The following SOAT1 variants were observed in gnomAD, a reference collection of about 807,000 sequenced individuals.
SOAT1 encodes acyl-coenzyme A:cholesterol acyltransferase 1.
A neutral mutation model predicts 69.5 loss-of-function variants in SOAT1; 55 were observed. The observed-to-expected ratio is 0.79, with a 90% confidence interval of 0.64 to 0.99. SOAT1 has a LOEUF of 0.99. Among genes scored for constraint, SOAT1 ranks in the 50% least tolerant of loss-of-function variants. SOAT1 has a pLI of 0.00. For missense variants in SOAT1, 580 were observed against 669.3 expected, an observed-to-expected ratio of 0.87 and a Z score of 1.47; for synonymous variants, 231 against 224.7, an observed-to-expected ratio of 1.03 and a Z score of -0.25.
Position 179,342,955 on chromosome 1 carries a change from G to A in SOAT1, c.941+12G>A, listed in dbSNP as rs1270781809. On this transcript the variant is annotated intron_variant, in intron 9 of 15. Coordinates refer to ENST00000367619, the MANE Select transcript of SOAT1 (RefSeq NM_003101.6). ...GACAGCTATCCCAGGTAATGGTACTGTGAACCAGAAATGTGGTAAACACCA... is the reference window on the plus strand; with the variant it reads ...GACAGCTATCCCAGGTAATGGTACTATGAACCAGAAATGTGGTAAACACCA... 1.2e-6 allele frequency: 2 copies of A among 1,607,622 alleles called. No homozygotes were observed. Among genetic ancestry groups the A allele is most frequent in the Non-Finnish European group, 1.7e-6 (2 of 1,174,260 alleles).
chr1:179,306,196 C>T (rs1664998335), intron 2 of SOAT1, among the ~76,000 whole-genome samples: 1 of 152,076 alleles, frequency 6.6e-6, no homozygotes, highest in African/African-American at 2.4e-5. Context: ...ATTGGAAAGG[C>T]CAGAAGTAAG....
At chr1:179,303,318 C>T (rs1050581969) in intron 2 of SOAT1, among the ~76,000 whole-genome samples, 2 of 152,134 alleles carry the variant, frequency 1.3e-5, no homozygotes, top group African/African-American at 4.8e-5. Context: ...CTTGTATCCA[C>T]GTTTGCTTAA....
In SOAT1 at chr1:179,341,083, G is replaced by C; in HGVS notation, c.553G>C (p.Val185Leu). The C allele has an allele frequency of 6.2e-7, 1 of 1,614,054 alleles. No homozygotes were observed. The highest frequency in any genetic ancestry group is 8.5e-7 in the Non-Finnish European group (1 of 1,180,002). The change falls in exon 7 of 16, where the codon GTT becomes CTT. Residue 185 changes from valine to leucine, a missense_variant. Val to Leu is a conservative substitution (Grantham distance 32). Coordinates refer to ENST00000367619, the MANE Select transcript of SOAT1 (RefSeq NM_003101.6). ...TGCTTTTGGCAAATTTCCTACCGTT[G>C]TTTGGACCTGGTGGATCATGTTCCT... ...SYAFGKFPTV[V>L]WTWWIMFLST...
chr1:179,310,421 T>C (rs995014075), intron 2 of SOAT1, among the ~76,000 whole-genome samples: 2 of 152,202 alleles, frequency 1.3e-5, no homozygotes, highest in African/African-American at 4.8e-5. Flanking sequence ...AGTCTCTGTT[T>C]CTGTATGAAC....
At chr1:179,330,381 TGATGTTCTCCATA>T in intron 3 of SOAT1, among the ~76,000 whole-genome samples, 1 of 152,148 alleles carries the variant, frequency 6.6e-6, no homozygotes, top group Middle Eastern at 3.4e-3. Flanking sequence ...TCTATAATAG[TGATGTTCTCCATA>T]GGAGCGGTTG....
rs574054343 is a variant in SOAT1 at position 179,315,247 on chromosome 1, C to A, written c.119-8190C>A. Among the ~76,000 whole-genome samples the A allele has an allele frequency of 2.0e-5, 3 of 152,248 alleles. No individual in the cohort carries two copies. In the South Asian group the frequency reaches 6.2e-4, roughly 32 times the overall value. On this transcript the variant is annotated intron_variant, in intron 2 of 15. Coordinates refer to ENST00000367619, the MANE Select transcript of SOAT1 (RefSeq NM_003101.6). ...ATTGCTGGAGGCCAGGAGTTCAAGA[C>A]CAGCCTGGGCAACATAGCGAGGCTC...
At chr1:179,318,447 A>C (rs1665472409) in intron 2 of SOAT1, among the ~76,000 whole-genome samples, 1 of 152,214 alleles carries the variant, frequency 6.6e-6, no homozygotes, top group East Asian at 1.9e-4. Context: ...AAAGATTCTC[A>C]GTCAGAATAC....
chr1:179,297,177 T>G (rs1169510694), intron 1 of SOAT1, among the ~76,000 whole-genome samples: 1 of 152,240 alleles, frequency 6.6e-6, no homozygotes, highest in African/African-American at 2.4e-5. Flanking sequence ...CCTTCACTGC[T>G]AGACCTCTTG....
chr1:179,335,714 G>T, intron 4 of SOAT1, 57 bp downstream of exon 4: 1 of 1,476,864 alleles, frequency 6.8e-7, no homozygotes, highest in Non-Finnish European at 9.1e-7. Flanking sequence ...GTTCAATGGT[G>T]AAAATGGACT....
At chr1:179,339,658 C>G in intron 6 of SOAT1, 113 bp downstream of exon 6, 1 of 579,952 alleles carries the variant, frequency 1.7e-6, no homozygotes, top group Non-Finnish European at 3.0e-6. Context: ...CCTAAAGCAG[C>G]AGATTTGAGG....
chr1:179,338,525 C>T (rs992992229), intron 5 of SOAT1, among the ~76,000 whole-genome samples: 3 of 152,074 alleles, frequency 2.0e-5, no homozygotes, highest in South Asian at 2.1e-4. Flanking sequence ...ATAAGAAGGC[C>T]GGTTTTCTAA....
chr1:179,306,830 C>CAAAAA (rs11461908), intron 2 of SOAT1, among the ~76,000 whole-genome samples: 9 of 96,612 alleles, frequency 9.3e-5, no homozygotes, highest in African/African-American at 2.3e-4. Context: ...GACTCCATCT[C>CAAAAA]AAAAAAAAAA....
intron 1 of SOAT1, among the ~76,000 whole-genome samples, chr1:179,297,733 C>CAAAAA (rs376641077): frequency 8.4e-6 from 1 of 119,264 alleles, no homozygotes; most frequent in African/African-American, 3.1e-5. Flanking sequence ...GACTCCGTCT[C>CAAAAA]AAAAAAAAAA....
chr1:179,342,119 T>C lies in SOAT1; in HGVS notation c.786T>C (p.Arg262=). The change falls in exon 8 of 16, where the codon CGT becomes CGC. Residue 262 remains arginine, a synonymous_variant. Transcript: ENST00000367619. Reference sequence around the variant, plus strand: ...TTTTCCTCCTGCTTTTGTAGATTCGTTTTGTAATGAAGGCCCACTCATTTG... The same window carrying C: ...TTTTCCTCCTGCTTTTGTAGATTCGCTTTGTAATGAAGGCCCACTCATTTG... ...SRFIIIFEQI[R]FVMKAHSFVR... is the part of the protein sequence containing the mutation. 1 of 1,613,710 alleles carries C rather than the reference T, an allele frequency of 6.2e-7. No homozygotes were observed. The highest frequency in any genetic ancestry group is 8.5e-7 in the Non-Finnish European group (1 of 1,179,710).
intron 2 of SOAT1, among the ~76,000 whole-genome samples, chr1:179,314,283 T>C (rs1665318515): frequency 6.6e-6 from 1 of 152,200 alleles, no homozygotes; most frequent in Admixed American, 6.5e-5. Context: ...CTCAGTGGGC[T>C]TTTACTTAAT....
At chr1:179,347,848 A>T (rs529662980) in intron 12 of SOAT1, 151 bp downstream of exon 12, 21 of 568,124 alleles carry the variant, frequency 3.7e-5, no homozygotes, top group South Asian at 1.8e-4. Context: ...ATTTTCTGAA[A>T]TTCGGTTACA....
intron 1 of SOAT1, among the ~76,000 whole-genome samples, chr1:179,297,012 T>TGG (rs140610583): frequency 1.4e-3 from 210 of 152,284 alleles, no homozygotes; most frequent in African/African-American, 4.8e-3. Flanking sequence ...CTTTGTTACC[T>TGG]GGGGGGGAAT....
intron 1 of SOAT1, among the ~76,000 whole-genome samples, chr1:179,302,399 T>A (rs1019695240): frequency 1.6e-4 from 25 of 152,140 alleles, no homozygotes; most frequent in African/African-American, 6.0e-4. Flanking sequence ...ATGGGGGCAG[T>A]TTCCCCCATG....
intron 3 of SOAT1, among the ~76,000 whole-genome samples, chr1:179,329,515 C>T (rs972950531): frequency 2.0e-5 from 3 of 151,970 alleles, no homozygotes; most frequent in Non-Finnish European, 4.4e-5. Context: ...CACATGAGTT[C>T]GAGACCAGCC....
Sources: gnomAD v4.1 joint callset for allele counts (sites outside exome capture counted in the v4.1 genomes callset) on GRCh38, gnomAD v4.1.1 for gene constraint, MANE v1.5 for transcripts, NCBI Gene and HGNC (gene_info 2026-07-23, HGNC 2026-07-21) for gene names.